Variants in TMEM131 observed in about 807,000 individuals in gnomAD.
TMEM131 encodes the protein 2610524E03Rik.
Under a neutral mutation model 211.6 loss-of-function variants are expected in TMEM131, and 66 were observed. That is an observed-to-expected ratio of 0.31 (90% confidence interval 0.26 to 0.38). The LOEUF (loss-of-function observed/expected upper bound fraction) is 0.38. TMEM131 is among the 10% of genes least tolerant of loss of function. The pLI, the probability that TMEM131 is intolerant of heterozygous loss-of-function variation, is 1.00. For synonymous variants in TMEM131, 844 were observed against 841.3 expected (o/e 1.00, Z -0.06); for missense variants, 2,036 against 2,299.3 (o/e 0.89, Z 2.34).
At chr2:97,880,346 GA>G (rs1674875338) in intron 4 of TMEM131, among the ~76,000 whole-genome samples, 1 of 152,130 alleles carries the variant, frequency 6.6e-6, no homozygotes, top group Non-Finnish European at 1.5e-5. Flanking sequence ...GGGGAAGTGG[GA>G]AAAACGACAT....
chr2:97,894,553 T>C (rs1230901899), intron 3 of TMEM131, among the ~76,000 whole-genome samples: 1 of 152,244 alleles, frequency 6.6e-6, no homozygotes, highest in Non-Finnish European at 1.5e-5. Context: ...CTCTCTTAAT[T>C]TCCTTGAGCA....
At chr2:97,855,848 C>T (rs952121849) in intron 5 of TMEM131, among the ~76,000 whole-genome samples, 2 of 152,188 alleles carry the variant, frequency 1.3e-5, no homozygotes, top group African/African-American at 4.8e-5. Context: ...TGCTACATCG[C>T]ATTTTGTTAA....
intron 1 of TMEM131, among the ~76,000 whole-genome samples, chr2:97,931,330 G>C (rs540826003): frequency 2.4e-4 from 36 of 149,198 alleles, no homozygotes; most frequent in African/African-American, 8.8e-4. Context: ...GTGTAAAAAT[G>C]TCAATGTGTC....
chr2:97,876,957 C>T (rs1006334368), intron 4 of TMEM131, among the ~76,000 whole-genome samples: 1 of 152,144 alleles, frequency 6.6e-6, no homozygotes, highest in African/African-American at 2.4e-5. Flanking sequence ...AAAACCCCAT[C>T]GACTCAGCCC....
chr2:97,798,894 A>G (rs1317971237), intron 25 of TMEM131, among the ~76,000 whole-genome samples: 2 of 152,198 alleles, frequency 1.3e-5, no homozygotes, highest in African/African-American at 4.8e-5. Context: ...GATGGACACA[A>G]TGATGTACTA....
chr2:97,967,016 C>G (rs1302829662), intron 1 of TMEM131, among the ~76,000 whole-genome samples: 1 of 148,994 alleles, frequency 6.7e-6, no homozygotes, highest in African/African-American at 2.5e-5. Flanking sequence ...ACCTGCCCAC[C>G]ACCTAAAACA....
At chr2:97,908,262 C>G (rs1676152552) in intron 3 of TMEM131, among the ~76,000 whole-genome samples, 1 of 152,150 alleles carries the variant, frequency 6.6e-6, no homozygotes, top group Admixed American at 6.5e-5. Context: ...AGTCACAAGA[C>G]TGGGTTTCGC....
intron 1 of TMEM131, among the ~76,000 whole-genome samples, chr2:97,954,806 CAAAAAAA>C (rs778680522): frequency 1.3e-4 from 5 of 37,058 alleles, no homozygotes; most frequent in African/African-American, 4.9e-4. Flanking sequence ...AACTCCATCT[CAAAAAAA>C]AAAAAAAAAA....
At chr2:97,786,858 C>T (rs1680272313) in intron 31 of TMEM131, among the ~76,000 whole-genome samples, 3 of 152,196 alleles carry the variant, frequency 2.0e-5, no homozygotes, top group Admixed American at 2.0e-4. Context: ...TTCTACTATT[C>T]GATGTCCTCA....
At chr2:97,840,093 T>C (rs1683126183) in intron 7 of TMEM131, among the ~76,000 whole-genome samples, 2 of 152,188 alleles carry the variant, frequency 1.3e-5, no homozygotes, top group Non-Finnish European at 2.9e-5. Context: ...AGGGTAAGAG[T>C]GTCTTCCCAG....
chr2:97,930,164 C>T (rs775475445), intron 1 of TMEM131, among the ~76,000 whole-genome samples: 22 of 151,648 alleles, frequency 1.5e-4, no homozygotes, highest in South Asian at 4.1e-4. Flanking sequence ...CAGATGTTCA[C>T]AATGTAAAAG....
chr2:97,789,212 C>T (rs4274643), intron 31 of TMEM131, among the ~76,000 whole-genome samples: 1 of 152,148 alleles, frequency 6.6e-6, no homozygotes, highest in South Asian at 2.1e-4. Flanking sequence ...TGCCTGCTGG[C>T]ATGTGCTAAC....
intron 3 of TMEM131, among the ~76,000 whole-genome samples, chr2:97,904,900 C>T (rs1676006029): frequency 6.6e-6 from 1 of 151,998 alleles, no homozygotes; most frequent in African/African-American, 2.4e-5. Flanking sequence ...ATCTAAGAAC[C>T]TTACAACTCA....
At chr2:97,995,358 A>G in intron 1 of TMEM131, 118 bp downstream of exon 1, 2 of 1,068,200 alleles carry the variant, frequency 1.9e-6, no homozygotes, top group Non-Finnish European at 2.4e-6. Context: ...ACGGTACCCG[A>G]CCGCCCAACT....
rs1444918449 is a variant in TMEM131 at position 97,766,198 on chromosome 2, A to C, written c.4639T>G (p.Leu1547Val). Residue 1547 changes from leucine to valine, a missense_variant, in exon 35 of 41, where the codon TTA becomes GTA. Leu to Val is a conservative substitution (Grantham distance 32, BLOSUM62 1). Transcript: ENST00000186436. ...LAKFLPNSQE[L>V]GNTSSSEGEK... ...CCCTCTGAGCTACTGGTGTTGCCTA[A>C]TTCTTGACTATTCGGGAGGAATTTT... The C allele has an allele frequency of 6.2e-7, 1 of 1,613,930 alleles. No homozygotes were observed. The highest frequency in any genetic ancestry group is 1.3e-5 in the African/African-American group (1 of 74,936).
At chr2:97,864,821 T>G (rs1440421138) in intron 4 of TMEM131, among the ~76,000 whole-genome samples, 1 of 152,216 alleles carries the variant, frequency 6.6e-6, no homozygotes, top group Non-Finnish European at 1.5e-5. Flanking sequence ...TTCCGAACTT[T>G]ATTATTCTCC....
chr2:97,895,384 A>ATTT, intron 3 of TMEM131, among the ~76,000 whole-genome samples: 1 of 152,214 alleles, frequency 6.6e-6, no homozygotes, highest in Non-Finnish European at 1.5e-5. Flanking sequence ...TGGCCTCATA[A>ATTT]AATGAGTTAA....
In TMEM131 at chr2:97,838,501, A is replaced by G. The variant is rs1683042658; in HGVS notation, c.724-1344T>C. 2.3e-5 allele frequency among the ~76,000 whole-genome samples: 3 copies of G among 129,584 alleles called. No homozygotes were observed. The Admixed American group carries it at 3.0e-4, about 13-fold the overall frequency. 85.0% of individuals were successfully genotyped at this position (129,584 alleles called of 152,430 possible). On this transcript the variant is annotated intron_variant, in intron 7 of 40. Coordinates refer to ENST00000186436, the MANE Select transcript of TMEM131 (RefSeq NM_015348.2). ...GCCCTGTCGCTCAGGCTGGAGTGCA[A>G]TGGTGTGATCTCGGCTCACTGCAAC...
intron 2 of TMEM131, among the ~76,000 whole-genome samples, chr2:97,913,859 A>G (rs1279390953): frequency 6.6e-6 from 1 of 152,126 alleles, no homozygotes; most frequent in African/African-American, 2.4e-5. Flanking sequence ...CCATTTGAGT[A>G]TTACTTACAT....
Sources: allele counts gnomAD v4.1 joint callset (sites outside exome capture counted in the v4.1 genomes callset), GRCh38; gene constraint gnomAD v4.1.1; transcripts MANE v1.5; gene names NCBI Gene and HGNC (gene_info 2026-07-23, HGNC 2026-07-21).